Variants in FAM135B observed in about 807,000 individuals in gnomAD.
FAM135B encodes protein FAM135B.
Under a neutral mutation model 127.7 loss-of-function variants are expected in FAM135B, and 43 were observed. The observed-to-expected ratio is 0.34, with a 90% CI of 0.26 to 0.43. The LOEUF (loss-of-function observed/expected upper bound fraction) is 0.43, where lower values mean the gene tolerates loss of function less well. FAM135B is among the 20% of genes least tolerant of loss of function. FAM135B has a pLI of 1.00. For missense variants in FAM135B, 1,558 were observed against 1,725.6 expected (o/e 0.90, Z 1.72); for synonymous variants, 670 against 665.1 (o/e 1.01, Z -0.11).
intron 1 of FAM135B, among the ~76,000 whole-genome samples, chr8:138,442,964 C>T (rs73442410): frequency 0.058 from 8,841 of 152,136 alleles, 842 homozygotes; most frequent in African/African-American, 0.2. Context: ...TCCCTGTGTG[C>T]GAGGATGGCT....
chr8:138,264,932 G>GA (rs1460680752), intron 4 of FAM135B, among the ~76,000 whole-genome samples: 2 of 152,126 alleles, frequency 1.3e-5, no homozygotes, highest in Non-Finnish European at 2.9e-5. Context: ...TATTCTAGCA[G>GA]AAAAAAATCA....
intron 1 of FAM135B, among the ~76,000 whole-genome samples, chr8:138,400,070 G>C (rs1167311403): frequency 6.6e-6 from 1 of 152,254 alleles, no homozygotes; most frequent in African/African-American, 2.4e-5. Flanking sequence ...ATAAATTTCA[G>C]ATGGGGGAAT....
intron 1 of FAM135B, among the ~76,000 whole-genome samples, chr8:138,430,991 G>A (rs1835161470): frequency 6.6e-6 from 1 of 152,090 alleles, no homozygotes; most frequent in African/African-American, 2.4e-5. Context: ...CCCACACAGA[G>A]TAAGTCTCCA....
intron 9 of FAM135B, 26 bp downstream of exon 9, chr8:138,195,232 G>C (rs2131111311): frequency 6.2e-7 from 1 of 1,610,276 alleles, no homozygotes; most frequent in Non-Finnish European, 8.5e-7. Context: ...CATTCATTCA[G>C]ACCCCAGCGC....
Position 138,132,667 on chromosome 8 carries a change from G to A in FAM135B, c.4147C>T (p.His1383Tyr), listed in dbSNP as rs2130484154. ...AGTTCTGAATCCAGCACAGCGATGT[G>A]AGCGGCTCGGCCGATCAGGGTGTTG... ...TANTLIGRAAHIAVLDSELFL... is the reference protein window; with the variant it reads ...TANTLIGRAAYIAVLDSELFL... The change falls in exon 20 of 20, where the codon CAC becomes TAC. Residue 1383 changes from histidine to tyrosine, a missense_variant. His to Tyr is a moderately conservative substitution (Grantham distance 83). This residue lies in a region of FAM135B where 194 missense variants were observed against 333.8 expected (regional missense o/e 0.58). Transcript: ENST00000395297. The surrounding 1 kb of genome is among the most constrained non-coding windows in gnomAD (Gnocchi z 4.5). The A allele has an allele frequency of 1.2e-6, 2 of 1,614,180 alleles. No homozygotes were observed. The highest frequency in any genetic ancestry group is 1.7e-6 in the Non-Finnish European group (2 of 1,180,044).
chr8:138,265,750 T>C lies in FAM135B; in HGVS notation c.250A>G (p.Asn84Asp), dbSNP rs774016466. 1.2e-6 allele frequency: 2 copies of C among 1,613,904 alleles called. No individual in the cohort carries two copies. Among genetic ancestry groups the C allele is most frequent in the African/African-American group, 2.7e-5 (2 of 74,860 alleles). ...TGAACTCGGAAGACCACAGCATCAT[T>C]TATGGGTACCTCTTCATTCCGGTAT... is the stretch of plus-strand genomic sequence containing the variant. ...ILYRNEEVPINDAVVFRVHLL... is the reference protein window; with the variant it reads ...ILYRNEEVPIDDAVVFRVHLL... Residue 84 changes from asparagine (N) to aspartate (D), a missense_variant, in exon 4 of 20, where the codon AAT becomes GAT. Physicochemically the swap from Asn to Asp is conservative, Grantham distance 23. Transcript: ENST00000395297.
intron 1 of FAM135B, among the ~76,000 whole-genome samples, chr8:138,479,144 G>T (rs77110768): frequency 2.9e-4 from 44 of 152,166 alleles, no homozygotes; most frequent in Non-Finnish European, 2.9e-5. Flanking sequence ...TATGGAAAGC[G>T]GTGTGGAACT....
intron 1 of FAM135B, among the ~76,000 whole-genome samples, chr8:138,414,842 T>G (rs1363699260): frequency 6.6e-6 from 1 of 152,106 alleles, no homozygotes; most frequent in East Asian, 1.9e-4. Context: ...GAAAAAAACA[T>G]GAAATGACAT....
chr8:138,152,386 A>T lies in FAM135B; in HGVS notation c.2089T>A (p.Trp697Arg), dbSNP rs2130767529. The T allele has an allele frequency of 6.2e-7, 1 of 1,614,220 alleles. No individual in the cohort carries two copies. The highest frequency in any genetic ancestry group is 8.5e-7 in the Non-Finnish European group (1 of 1,180,046). ...AGAGCCCTGCTTCGGGCCTCTGACC[A>T]GGCGACGGAGCTTGGCTCACTCTCA... ...GIESEPSSVA[W>R]SEARSRALEL... Residue 697 changes from tryptophan to arginine, a missense_variant, in exon 13 of 20, where the codon TGG becomes AGG. Physicochemically the swap from Trp to Arg is moderately radical, Grantham distance 101. Transcript: ENST00000395297.
At chr8:138,262,388 G>C (rs923827184) in intron 4 of FAM135B, among the ~76,000 whole-genome samples, 5 of 152,198 alleles carry the variant, frequency 3.3e-5, no homozygotes, top group East Asian at 1.9e-4. Flanking sequence ...GGAAAAAATG[G>C]AGCATTGTTT....
chr8:138,319,352 C>T (rs138344169), intron 2 of FAM135B, among the ~76,000 whole-genome samples: 3,871 of 152,280 alleles, frequency 0.025, 152 homozygotes, highest in African/African-American at 0.083. Flanking sequence ...GGTGATCTCC[C>T]TGCCTTGGCC....
intron 1 of FAM135B, among the ~76,000 whole-genome samples, chr8:138,481,176 A>G (rs955069749): frequency 9.2e-5 from 14 of 152,236 alleles, no homozygotes; most frequent in African/African-American, 1.2e-4. Flanking sequence ...ACTTGATTAA[A>G]TTTCATTTAC....
chr8:138,308,630 G>GT (rs5895513), intron 3 of FAM135B, among the ~76,000 whole-genome samples: 141,443 of 150,368 alleles, frequency 0.94, 66,622 homozygotes, highest in South Asian at 0.97. Flanking sequence ...AAAGAAAATA[G>GT]TTTTTTTTTT....
At chr8:138,150,285 C>T (rs771988621) in intron 13 of FAM135B, among the ~76,000 whole-genome samples, 49 of 152,194 alleles carry the variant, frequency 3.2e-4, no homozygotes, top group Non-Finnish European at 4.7e-4. Flanking sequence ...ATTGTATTCC[C>T]CAAAGGCTCT....
intron 4 of FAM135B, among the ~76,000 whole-genome samples, chr8:138,257,881 A>T (rs1365079221): frequency 2.1e-4 from 18 of 85,546 alleles, no homozygotes; most frequent in Admixed American, 3.6e-4. Context: ...CAAAAAATAA[A>T]AAATAAAAAA....
At chr8:138,445,316 AT>A (rs1457530579) in intron 1 of FAM135B, among the ~76,000 whole-genome samples, 1 of 152,228 alleles carries the variant, frequency 6.6e-6, no homozygotes, top group African/African-American at 2.4e-5. Context: ...GGCCAGCATC[AT>A]TCTGATACCA....
intron 1 of FAM135B, among the ~76,000 whole-genome samples, chr8:138,397,805 C>T (rs1184806210): frequency 2.0e-5 from 3 of 152,104 alleles, no homozygotes; most frequent in South Asian, 2.1e-4. Context: ...GGCTCATGTT[C>T]GGGTCCTCCA....
At chr8:138,215,575 C>G (rs1472663908) in intron 7 of FAM135B, among the ~76,000 whole-genome samples, 2 of 152,168 alleles carry the variant, frequency 1.3e-5, no homozygotes, top group Non-Finnish European at 1.5e-5. Flanking sequence ...GAGCCTCAGG[C>G]TTCCATTCTA....
At chr8:138,381,471 T>C (rs113481438) in intron 1 of FAM135B, among the ~76,000 whole-genome samples, 27 of 152,248 alleles carry the variant, frequency 1.8e-4, no homozygotes, top group African/African-American at 6.3e-4. Context: ...AAAATAGCCC[T>C]GAATAGGTTA....
Sources: allele counts gnomAD v4.1 joint callset (sites outside exome capture counted in the v4.1 genomes callset), GRCh38; gene constraint gnomAD v4.1.1; regional missense constraint gnomAD v4.1.1; non-coding constraint Gnocchi (gnomAD v3.1); transcripts MANE v1.5; gene names NCBI Gene and HGNC (gene_info 2026-07-23, HGNC 2026-07-21).